The following PTPRD variants were observed in gnomAD, a reference collection of about 807,000 sequenced individuals.
The protein encoded by PTPRD is protein tyrosine phosphatase receptor type D.
Under a neutral mutation model 214.5 loss-of-function variants are expected in PTPRD, and 34 were observed. The ratio of observed to expected loss-of-function variants is 0.16; its 90% CI spans 0.12 to 0.21. The LOEUF (loss-of-function observed/expected upper bound fraction) is 0.21, where lower values mean the gene tolerates loss of function less well. Among genes scored for constraint, PTPRD ranks in the 10% least tolerant of loss-of-function variants. The pLI is 1.00. For synonymous variants in PTPRD, 1,128 were observed against 845.7 expected (o/e 1.33, Z -5.79); for missense variants, 2,545 against 2,398.7 (o/e 1.06, Z -1.27).
intron 9 of PTPRD, among the ~76,000 whole-genome samples, chr9:9,189,068 T>C (rs185858780): frequency 1.3e-5 from 2 of 152,180 alleles, no homozygotes; most frequent in South Asian, 2.1e-4. Flanking sequence ...TTGAACATGG[T>C]ATGTATCAGA....
chr9:9,073,125 C>T (rs1182575231), intron 10 of PTPRD, among the ~76,000 whole-genome samples: 1 of 152,142 alleles, frequency 6.6e-6, no homozygotes, highest in Non-Finnish European at 1.5e-5. Flanking sequence ...GAGGGAAACA[C>T]TAATTAGTAA....
chr9:10,415,067 C>T (rs1233865337), intron 2 of PTPRD, among the ~76,000 whole-genome samples: 2 of 151,564 alleles, frequency 1.3e-5, no homozygotes, highest in African/African-American at 4.8e-5. Context: ...AACAAACCTG[C>T]ACATATACCC....
chr9:10,611,732 G>C (rs1420933785), intron 2 of PTPRD, among the ~76,000 whole-genome samples: 1 of 152,080 alleles, frequency 6.6e-6, no homozygotes, highest in Non-Finnish European at 1.5e-5. Context: ...TCTCAGCCCT[G>C]CCCTCTCCAA....
rs1361827317 is a variant in PTPRD at position 9,009,225 on chromosome 9, A to C, written c.-104+9472T>G. 2.0e-5 allele frequency among the ~76,000 whole-genome samples: 3 copies of C among 152,124 alleles called. No homozygotes were observed. In the East Asian group the frequency reaches 5.8e-4, roughly 29 times the overall value. On this transcript the variant is annotated intron_variant, in intron 11 of 45. Transcript: ENST00000381196. ...TTTATATACACAGCATCAAAATCTTACCAAAAATTACCAGGAATATGATAT... is the reference window on the plus strand; with the variant it reads ...TTTATATACACAGCATCAAAATCTTCCCAAAAATTACCAGGAATATGATAT...
intron 2 of PTPRD, among the ~76,000 whole-genome samples, chr9:10,360,619 C>T (rs78039626): frequency 0.027 from 4,180 of 152,200 alleles, 82 homozygotes; most frequent in South Asian, 0.064. Flanking sequence ...ATATTACAGA[C>T]CAGAAGTTTT....
At chr9:8,558,805 T>A (rs1361306918) in intron 14 of PTPRD, among the ~76,000 whole-genome samples, 1 of 152,182 alleles carries the variant, frequency 6.6e-6, no homozygotes, top group African/African-American at 2.4e-5. Context: ...AATCATGACT[T>A]GACTTACATG....
intron 10 of PTPRD, among the ~76,000 whole-genome samples, chr9:9,067,510 C>G (rs324508): frequency 0.27 from 41,339 of 152,044 alleles, 6,016 homozygotes; most frequent in Middle Eastern, 0.31. Context: ...CTCTTCCTCT[C>G]AAGCTTTTCT....
At chr9:9,772,263 G>A (rs1474394219) in intron 5 of PTPRD, among the ~76,000 whole-genome samples, 2 of 152,046 alleles carry the variant, frequency 1.3e-5, no homozygotes, top group African/African-American at 2.4e-5. Context: ...ACTCTCAGAA[G>A]AAATTAACCT....
intron 3 of PTPRD, among the ~76,000 whole-genome samples, chr9:10,075,086 T>C (rs1169864341): frequency 6.6e-6 from 1 of 152,154 alleles, no homozygotes; most frequent in South Asian, 2.1e-4. Context: ...GATGCAAATA[T>C]TGATATGGGC....
At chr9:9,864,375 T>C (rs2063482228) in intron 5 of PTPRD, among the ~76,000 whole-genome samples, 2 of 150,636 alleles carry the variant, frequency 1.3e-5, no homozygotes, top group Non-Finnish European at 3.0e-5. Flanking sequence ...AGCTATGAAG[T>C]AAGAAGTTGG....
chr9:8,784,776 C>T (rs60096481), intron 11 of PTPRD, among the ~76,000 whole-genome samples: 5 of 152,274 alleles, frequency 3.3e-5, no homozygotes, highest in African/African-American at 9.6e-5. Context: ...ACTCTCCATA[C>T]CAAAAATGTC....
intron 11 of PTPRD, among the ~76,000 whole-genome samples, chr9:8,773,181 T>G (rs1565945465): frequency 6.6e-6 from 1 of 152,122 alleles, no homozygotes; most frequent in African/African-American, 2.4e-5. Context: ...CAGCCTTGGG[T>G]AGTTTGTTCA....
At chr9:10,425,982 A>T (rs2098610375) in intron 2 of PTPRD, among the ~76,000 whole-genome samples, 1 of 152,010 alleles carries the variant, frequency 6.6e-6, no homozygotes. Flanking sequence ...TACACATATG[A>T]ATATATAAGG....
chr9:9,026,454 C>T (rs1375951738), intron 10 of PTPRD, among the ~76,000 whole-genome samples: 1 of 151,850 alleles, frequency 6.6e-6, no homozygotes, highest in Non-Finnish European at 1.5e-5. Context: ...AAAGATCAAG[C>T]CTATTATCTG....
intron 39 of PTPRD, among the ~76,000 whole-genome samples, chr9:8,372,053 G>A (rs7871181): frequency 0.021 from 3,172 of 152,042 alleles, 116 homozygotes; most frequent in African/African-American, 0.071. Context: ...AGGTTTCTCA[G>A]GTCTTTATAC....
At chr9:10,262,218 G>C (rs1189971403) in intron 3 of PTPRD, among the ~76,000 whole-genome samples, 1 of 151,706 alleles carries the variant, frequency 6.6e-6, no homozygotes, top group African/African-American at 2.4e-5. Context: ...TCAAGAAATG[G>C]TGAAAATGTT....
At chr9:9,140,782 A>G (rs748216411) in intron 10 of PTPRD, among the ~76,000 whole-genome samples, 11 of 151,950 alleles carry the variant, frequency 7.2e-5, no homozygotes, top group Non-Finnish European at 1.5e-4. Context: ...GTTTCACCGT[A>G]TTAGCCAGGA....
At chr9:10,291,540 A>G (rs965298528) in intron 3 of PTPRD, among the ~76,000 whole-genome samples, 1 of 152,048 alleles carries the variant, frequency 6.6e-6, no homozygotes, top group Non-Finnish European at 1.5e-5. Context: ...GGAGAATTTA[A>G]TGTGATAGAA....
At chr9:10,606,274 A>T in intron 2 of PTPRD, among the ~76,000 whole-genome samples, 1 of 151,876 alleles carries the variant, frequency 6.6e-6, no homozygotes, top group East Asian at 1.9e-4. Flanking sequence ...GTGAAGAATA[A>T]GAAATGAAAT....
Sources: gnomAD v4.1 joint callset for allele counts (sites outside exome capture counted in the v4.1 genomes callset) on GRCh38, gnomAD v4.1.1 for gene constraint, MANE v1.5 for transcripts, NCBI Gene and HGNC (gene_info 2026-07-23, HGNC 2026-07-21) for gene names.